Variants in IPO5 observed in about 807,000 individuals in gnomAD.
IPO5 encodes the protein importin 5, also known as importin-5.
A neutral mutation model predicts 143.3 loss-of-function variants in IPO5; 18 were observed. The ratio of observed to expected loss-of-function variants is 0.13; its 90% CI spans 0.09 to 0.19. The LOEUF (loss-of-function observed/expected upper bound fraction) is 0.19, where lower values mean the gene tolerates loss of function less well. Among genes scored for constraint, IPO5 ranks in the 10% least tolerant of loss-of-function variants. The probability of loss-of-function intolerance (pLI) is 1.00; values close to 1 mark genes in which losing one functional copy is unlikely to be tolerated. For synonymous variants in IPO5, 477 were observed against 465.7 expected (o/e 1.02, Z -0.31); for missense variants, 1,013 against 1,336.9 (o/e 0.76, Z 3.78).
intron 3 of IPO5, among the ~76,000 whole-genome samples, chr13:97,974,889 G>C (rs1886137395): frequency 6.6e-6 from 1 of 152,130 alleles, no homozygotes; most frequent in Non-Finnish European, 1.5e-5. Flanking sequence ...ATTTTCTCTA[G>C]GAACCAATTA....
intron 22 of IPO5, among the ~76,000 whole-genome samples, chr13:98,014,699 G>A (rs1339693282): frequency 6.6e-6 from 1 of 152,162 alleles, no homozygotes; most frequent in South Asian, 2.1e-4. Context: ...ATGGGCAGCA[G>A]CATGGAAGCA....
intron 9 of IPO5, among the ~76,000 whole-genome samples, chr13:97,991,512 A>G (rs1474571822): frequency 6.6e-6 from 1 of 152,218 alleles, no homozygotes; most frequent in African/African-American, 2.4e-5. Context: ...AATGCTTGGG[A>G]GTAGAAGTGT....
At chr13:97,985,970 T>C (rs1887306768) in intron 6 of IPO5, among the ~76,000 whole-genome samples, 1 of 151,916 alleles carries the variant, frequency 6.6e-6, no homozygotes, top group Admixed American at 6.6e-5. Context: ...AAAAAATTAG[T>C]GGGCGTGATG....
intron 9 of IPO5, among the ~76,000 whole-genome samples, 199 bp from the exon 10 acceptor site, chr13:97,992,693 T>C (rs1887902151): frequency 6.6e-6 from 1 of 152,272 alleles, no homozygotes; most frequent in Non-Finnish European, 1.5e-5. Flanking sequence ...CTGTTTTGAA[T>C]GTTTCTAGTT....
intron 2 of IPO5, among the ~76,000 whole-genome samples, chr13:97,969,166 TATATATA>T (rs1885593081): frequency 1.3e-5 from 1 of 77,714 alleles, no homozygotes; most frequent in Non-Finnish European, 2.5e-5. Flanking sequence ...TATATATATA[TATATATA>T]TATTTTTTTT....
At position 98,006,356 on chromosome 13, in the gene IPO5, A is replaced by ATTTTTTTTTTTTTTTTTTTTTTTTTT. The variant is rs568589408; in HGVS notation, c.1716+19_1716+44dup. ...GCTGTTGGGAAGGAAAAAGTAAGTA[A>ATTTTTTTTTTTTTTTTTTTTTTTTTT]TTTTTTTTTTTTTTTTTTTTTTTTT... On this transcript the variant is annotated intron_variant, in intron 17 of 28. Transcript: ENST00000651721. The ATTTTTTTTTTTTTTTTTTTTTTTTTT allele has an allele frequency of 9.9e-6, 5 of 507,104 alleles. 1 individual carries two copies. The African/African-American group carries it at 3.0e-4, about 30-fold the overall frequency. The allele number at this position is 507,104 out of a possible 1,614,324, so 31.4% of individuals were successfully genotyped here.
chr13:98,017,650 G>A (rs1018857712), intron 25 of IPO5, among the ~76,000 whole-genome samples: 1 of 152,010 alleles, frequency 6.6e-6, no homozygotes, highest in African/African-American at 2.4e-5. Flanking sequence ...TTGAACAGGA[G>A]GTACAGAGAT....
At chr13:97,993,060 ACTAAT>A (rs777800091) in intron 10 of IPO5, 40 bp from the exon 11 acceptor site, 37 of 1,611,670 alleles carry the variant, frequency 2.3e-5, no homozygotes, top group Non-Finnish European at 3.0e-5. Flanking sequence ...ATTTTCAGGG[ACTAAT>A]CTAAATTATT....
At position 97,994,487 on chromosome 13, in the gene IPO5, T is replaced by TA. The variant is rs1221950665; in HGVS notation, c.913+1263dup. ...TTCATAATAATCATTTAGAAAATTT[T>TA]ATAGGCATGAGTTATAGTAACTGGG... On this transcript the variant is annotated intron_variant, in intron 11 of 28. Coordinates refer to ENST00000651721, the MANE Select transcript of IPO5 (RefSeq NM_002271.6). Among the ~76,000 whole-genome samples, 3 of 152,318 alleles carry TA rather than the reference T, an allele frequency of 2.0e-5. No homozygotes were observed. The East Asian group carries it at 5.8e-4, about 29-fold the overall frequency.
At chr13:98,013,995 T>G (rs1889917140) in intron 21 of IPO5, 47 bp from the exon 22 acceptor site, 1 of 1,557,518 alleles carries the variant, frequency 6.4e-7, no homozygotes, top group Non-Finnish European at 8.7e-7. Flanking sequence ...CCTTTAACAT[T>G]TAAGCAAAAT....
At chr13:97,975,557 G>A (rs1436812405) in intron 3 of IPO5, 1 of 152,236 alleles carries the variant, frequency 6.6e-6, no homozygotes, top group African/African-American at 2.4e-5. Flanking sequence ...TTTGTACACT[G>A]CTCTCTGCCT....
intron 11 of IPO5, among the ~76,000 whole-genome samples, chr13:97,994,438 C>T (rs1888065177): frequency 6.6e-6 from 1 of 152,174 alleles, no homozygotes; most frequent in African/African-American, 2.4e-5. Context: ...GATATGAGAA[C>T]ATTTTATTGT....
Position 97,967,878 on chromosome 13 carries a change from A to G in IPO5, c.-112-1845A>G, listed in dbSNP as rs559989134. Among the ~76,000 whole-genome samples, 5 of 152,178 alleles carry G rather than the reference A, an allele frequency of 3.3e-5. No individual in the cohort carries two copies. In the South Asian group the frequency reaches 1.0e-3, roughly 32 times the overall value. ...GATCTCCTGACCTTGTGATCCGCCC[A>G]CCTCGGCCTCCCAATATGCTGGGAT... On this transcript the variant is annotated intron_variant, in intron 2 of 28. Coordinates refer to ENST00000651721, the MANE Select transcript of IPO5 (RefSeq NM_002271.6).
chr13:98,000,006 T>C (rs1439378896), intron 12 of IPO5, among the ~76,000 whole-genome samples: 1 of 152,092 alleles, frequency 6.6e-6, no homozygotes, highest in Non-Finnish European at 1.5e-5. Context: ...AGATTCAGGC[T>C]GGGCACAGTG....
intron 2 of IPO5, among the ~76,000 whole-genome samples, chr13:97,958,246 C>T (rs9584729): frequency 0.031 from 4,709 of 152,192 alleles, 228 homozygotes; most frequent in African/African-American, 0.11. Flanking sequence ...GCCCTGCCCT[C>T]TTCCTGGGCT....
intron 4 of IPO5, among the ~76,000 whole-genome samples, chr13:97,978,415 C>G (rs975463585): frequency 6.6e-6 from 1 of 152,022 alleles, no homozygotes; most frequent in Non-Finnish European, 1.5e-5. Context: ...TTCCAGTGAC[C>G]TGCTCTTTTA....
chr13:97,979,015 C>T (rs1168399367), intron 4 of IPO5, among the ~76,000 whole-genome samples: 2 of 152,194 alleles, frequency 1.3e-5, no homozygotes, highest in Non-Finnish European at 2.9e-5. Context: ...AAACTAAGTA[C>T]TGTGATACAG....
chr13:98,020,575 T>C (rs772380680), intron 27 of IPO5, among the ~76,000 whole-genome samples: 5 of 152,240 alleles, frequency 3.3e-5, no homozygotes, highest in Non-Finnish European at 7.3e-5. Context: ...ACTAGAATTC[T>C]TAAATTCGCT....
intron 28 of IPO5, 97 bp from the exon 29 acceptor site, chr13:98,021,639 G>A (rs1334951010): frequency 1.8e-6 from 1 of 559,106 alleles, no homozygotes; most frequent in Admixed American, 3.0e-5. Context: ...CTAGGGAGAA[G>A]GTATTTTGCC....
Sources: gnomAD v4.1 joint callset for allele counts (sites outside exome capture counted in the v4.1 genomes callset) on GRCh38, gnomAD v4.1.1 for gene constraint, MANE v1.5 for transcripts, NCBI Gene and HGNC (gene_info 2026-07-23, HGNC 2026-07-21) for gene names.